The following CD44 variants were observed in gnomAD, a reference collection of about 807,000 sequenced individuals.
The protein encoded by CD44 is CD44 antigen.
CD44 carries 49 observed loss-of-function variants against 88.8 expected under a neutral mutation model. The observed-to-expected ratio is 0.55, with a 90% CI of 0.44 to 0.70. The LOEUF (loss-of-function observed/expected upper bound fraction) is 0.70. Ranked by LOEUF, CD44 falls within the 30% of genes least tolerant of loss-of-function variation. The probability of loss-of-function intolerance (pLI) is 0.00; values close to 1 mark genes in which losing one functional copy is unlikely to be tolerated. For synonymous variants in CD44, 325 were observed against 312.3 expected, an observed-to-expected ratio of 1.04 and a Z score of -0.43; for missense variants, 883 against 913.8, an observed-to-expected ratio of 0.97 and a Z score of 0.43.
intron 1 of CD44, among the ~76,000 whole-genome samples, chr11:35,148,929 G>T (rs1859750876): frequency 6.6e-6 from 1 of 151,824 alleles, no homozygotes; most frequent in African/African-American, 2.4e-5. Context: ...ATTGCTACTT[G>T]TAGCGATCCT....
At chr11:35,145,520 C>T (rs532110934) in intron 1 of CD44, among the ~76,000 whole-genome samples, 9 of 151,976 alleles carry the variant, frequency 5.9e-5, no homozygotes, top group East Asian at 1.9e-4. Flanking sequence ...CTGCTGTGAC[C>T]GCTGGGGACA....
At chr11:35,187,320 A>C (rs1230653700) in intron 4 of CD44, among the ~76,000 whole-genome samples, 1 of 152,166 alleles carries the variant, frequency 6.6e-6, no homozygotes, top group African/African-American at 2.4e-5. Flanking sequence ...AAGACTAAGT[A>C]AGGACAGTTG....
rs755404360 is a variant in CD44, at chr11:35,201,731, C to G, written c.1097C>G (p.Pro366Arg). The G allele has an allele frequency of 1.7e-5, 28 of 1,613,310 alleles. 1 individual carries two copies. In the East Asian group the frequency reaches 6.0e-4, roughly 35 times the overall value. Residue 366 changes from proline to arginine, a missense_variant, in exon 9 of 18, where the codon CCC (proline) becomes CGC (arginine). Physicochemically the swap from Pro to Arg is moderately radical, Grantham distance 103 (BLOSUM62 -2). Around this residue, in one of 2 missense-constraint regions of CD44, gnomAD observed 631 missense variants for 590.9 expected, o/e 1.07. Coordinates refer to ENST00000428726, the MANE Select transcript of CD44 (RefSeq NM_000610.4). ...AACTGGAACCCAGAAGCACACCCTC[C>G]CCTCATTCACCATGAGCATCATGAG... The part of the protein sequence containing the change: ...EGNWNPEAHP[P>R]LIHHEHHEEE...
At chr11:35,224,780 C>G (rs1394198042) in intron 17 of CD44, among the ~76,000 whole-genome samples, 1 of 151,996 alleles carries the variant, frequency 6.6e-6, no homozygotes, top group East Asian at 1.9e-4. Flanking sequence ...TCTTATTTGT[C>G]TAAAGAGGAG....
chr11:35,146,993 C>G (rs1290860613), intron 1 of CD44, among the ~76,000 whole-genome samples: 4 of 152,176 alleles, frequency 2.6e-5, no homozygotes, highest in African/African-American at 7.2e-5. Flanking sequence ...AAGCTCTACT[C>G]TCTTCCATGT....
chr11:35,148,606 GA>G (rs1859680066), intron 1 of CD44, among the ~76,000 whole-genome samples: 1 of 152,202 alleles, frequency 6.6e-6, no homozygotes, highest in Non-Finnish European at 1.5e-5. Flanking sequence ...TTTAAAAAGA[GA>G]AAGTTTAAAG....
At chr11:35,159,637 C>T (rs1305514453) in intron 1 of CD44, among the ~76,000 whole-genome samples, 1 of 152,184 alleles carries the variant, frequency 6.6e-6, no homozygotes, top group Non-Finnish European at 1.5e-5. Context: ...TATATTTATT[C>T]TCTAACTCCC....
chr11:35,209,575 A>G (rs181361074), intron 12 of CD44, among the ~76,000 whole-genome samples: 2 of 152,160 alleles, frequency 1.3e-5, no homozygotes, highest in Admixed American at 1.3e-4. Flanking sequence ...ACACACAGTT[A>G]GGTGCTTTTG....
chr11:35,171,889 G>A (rs1943941961), intron 1 of CD44, among the ~76,000 whole-genome samples: 1 of 151,988 alleles, frequency 6.6e-6, no homozygotes, highest in Admixed American at 6.5e-5. Context: ...TAAGGTGGAT[G>A]CCTAATGGCT....
chr11:35,215,050 G>T, intron 15 of CD44, 136 bp downstream of exon 15: 1 of 468,964 alleles, frequency 2.1e-6, no homozygotes, highest in South Asian at 5.6e-5. Flanking sequence ...TGCAGGGAGG[G>T]CTTATTAAAC....
At chr11:35,189,698 C>T (rs575444422) in intron 4 of CD44, 137 bp from the exon 5 acceptor site, 49 of 658,940 alleles carry the variant, frequency 7.4e-5, no homozygotes, top group Non-Finnish European at 1.3e-4. Context: ...GTGCATCTGC[C>T]ACTCTCTCCC....
chr11:35,139,427 C>G (rs1857447567), intron 1 of CD44, 57 bp downstream of exon 1: 2 of 1,467,576 alleles, frequency 1.4e-6, no homozygotes, highest in Admixed American at 3.9e-5. Flanking sequence ...CAGCGCGGAC[C>G]CGGCGGCAGC....
At chr11:35,220,107 C>T (rs1404673944) in intron 16 of CD44, among the ~76,000 whole-genome samples, 1 of 152,240 alleles carries the variant, frequency 6.6e-6, no homozygotes, top group Non-Finnish European at 1.5e-5. Context: ...GGTCTCCAGA[C>T]TGAGCCTCTC....
At chr11:35,204,468 G>A (rs1947633343) in intron 9 of CD44, 44 bp from the exon 10 acceptor site, 1 of 1,603,728 alleles carries the variant, frequency 6.2e-7, no homozygotes, top group African/African-American at 1.3e-5. Context: ...CTATTGGTGA[G>A]GAAAATAGAC....
Position 35,219,512 on chromosome 11 carries a change from C to T in CD44, c.1945+125C>T, listed in dbSNP as rs541524523. ...AATGCCCAACATATGAATCCAATTG[C>T]TCCTCTTTACAAGTTAAAGGATGAA... On this transcript the variant is annotated intron_variant, in intron 16 of 17. Transcript: ENST00000428726. 107 of 696,750 alleles carry T rather than the reference C, an allele frequency of 1.5e-4. 1 individual carries two copies. The highest frequency in any genetic ancestry group is 1.5e-3 in the African/African-American group (87 of 56,758). The allele number at this position is 696,750 out of a possible 1,614,324, so 43.2% of individuals were successfully genotyped here.
rs1947279578 is a variant in CD44, at chr11:35,201,166, T to C, written c.1007T>C (p.Val336Ala). ...AACCCAAGCCATTCAAATCCGGAAGTGCTACTTCAGACAACCACAAGGATG... is the reference window on the plus strand; with the variant it reads ...AACCCAAGCCATTCAAATCCGGAAGCGCTACTTCAGACAACCACAAGGATG... ...QWNPSHSNPE[V>A]LLQTTTRMTD... is the part of the protein sequence containing the mutation. The change falls in exon 8 of 18, where the codon GTG becomes GCG. Residue 336 changes from valine (V) to alanine (A), a missense_variant. Val to Ala is a moderately conservative substitution (Grantham distance 64). Transcript: ENST00000428726. The C allele has an allele frequency of 6.2e-7, 1 of 1,613,654 alleles. No homozygotes were observed. The highest frequency in any genetic ancestry group is 1.1e-5 in the South Asian group (1 of 91,080).
At chr11:35,156,630 A>C (rs1247438940) in intron 1 of CD44, among the ~76,000 whole-genome samples, 1 of 152,202 alleles carries the variant, frequency 6.6e-6, no homozygotes, top group Non-Finnish European at 1.5e-5. Context: ...TTAGAGAGAC[A>C]GATCTCCTTT....
intron 1 of CD44, among the ~76,000 whole-genome samples, chr11:35,167,914 G>T (rs1943476858): frequency 6.6e-6 from 1 of 152,248 alleles, no homozygotes; most frequent in South Asian, 2.1e-4. Flanking sequence ...GCTACGACTA[G>T]GTTTGGGCTT....
intron 8 of CD44, 61 bp from the exon 9 acceptor site, chr11:35,201,610 A>G (rs1947321808): frequency 1.3e-6 from 2 of 1,597,660 alleles, no homozygotes; most frequent in Admixed American, 3.4e-5. Context: ...TAATGGAAGA[A>G]TAGAATCATT....
Sources: gnomAD v4.1 joint callset for allele counts (sites outside exome capture counted in the v4.1 genomes callset) on GRCh38, gnomAD v4.1.1 for gene constraint, gnomAD v4.1.1 regional missense constraint, MANE v1.5 for transcripts, NCBI Gene and HGNC (gene_info 2026-07-23, HGNC 2026-07-21) for gene names.